COL19A1: variants seen among roughly 807,000 people sequenced by gnomAD.
COL19A1 encodes the protein collagen type XIX alpha 1 chain.
Under a neutral mutation model 190.2 loss-of-function variants are expected in COL19A1, and 159 were observed. The observed-to-expected ratio is 0.84, with a 90% CI of 0.73 to 0.95. The LOEUF is 0.95. Among genes scored for constraint, COL19A1 ranks in the 40% least tolerant of loss-of-function variants. COL19A1 has a pLI of 0.00. For missense variants in COL19A1, 1,418 were observed against 1,431.9 expected (o/e 0.99, Z 0.16); for synonymous variants, 509 against 458.9 (o/e 1.11, Z -1.39).
intron 40 of COL19A1, among the ~76,000 whole-genome samples, chr6:70,169,389 G>A (rs979169383): frequency 6.6e-6 from 1 of 151,994 alleles, no homozygotes; most frequent in African/African-American, 2.4e-5. Context: ...GTATATACTT[G>A]AAACTCAAAT....
rs1191042617 is a variant in COL19A1, at chr6:69,874,568, G to A, written c.-32-4968G>A. Among the ~76,000 whole-genome samples, 13 of 152,032 alleles carry A rather than the reference G, an allele frequency of 8.6e-5. 1 individual carries two copies. Among genetic ancestry groups the A allele is most frequent in the Admixed American group, 7.2e-4 (11 of 15,260 alleles). ...AGATCGAGACCATCCTAGCTAACAC[G>A]GTGAAACCCCATCTCTACTAAAAAT... is the stretch of plus-strand genomic sequence containing the variant. On this transcript the variant is annotated intron_variant, in intron 1 of 50. Transcript: ENST00000620364.
chr6:69,893,559 TG>T (rs1561970223), intron 2 of COL19A1, among the ~76,000 whole-genome samples: 2 of 152,184 alleles, frequency 1.3e-5, no homozygotes, highest in Non-Finnish European at 2.9e-5. Flanking sequence ...TATTTAACCC[TG>T]TATATTGTGA....
intron 14 of COL19A1, among the ~76,000 whole-genome samples, chr6:70,062,642 A>T (rs1360548800): frequency 1.3e-5 from 2 of 152,210 alleles, no homozygotes; most frequent in African/African-American, 4.8e-5. Context: ...ATTAACCTTA[A>T]ATGTAAATGG....
intron 45 of COL19A1, 64 bp downstream of exon 45, chr6:70,184,802 A>T (rs1766403786): frequency 1.2e-6 from 2 of 1,604,448 alleles, no homozygotes; most frequent in African/African-American, 2.7e-5. Context: ...ACCTACCAAC[A>T]TTTACATCAA....
intron 42 of COL19A1, 50 bp downstream of exon 42, chr6:70,176,614 C>T (rs755081405): frequency 6.3e-7 from 1 of 1,577,302 alleles, no homozygotes; most frequent in East Asian, 2.3e-5. Context: ...GGTTCTATCT[C>T]CATGATACAC....
intron 42 of COL19A1, among the ~76,000 whole-genome samples, 183 bp downstream of exon 42, chr6:70,176,747 C>G (rs1765833198): frequency 6.6e-6 from 1 of 152,166 alleles, no homozygotes; most frequent in African/African-American, 2.4e-5. Flanking sequence ...TCCTCTATTT[C>G]TTTTGTTTTG....
chr6:69,926,019 A>G lies in COL19A1; in HGVS notation c.267-1890A>G, dbSNP rs373028521. On this transcript the variant is annotated intron_variant, in intron 4 of 50. Coordinates refer to ENST00000620364, the MANE Select transcript of COL19A1 (RefSeq NM_001858.6). Reference sequence around the variant, plus strand: ...GATGGGGTTTTCTAAATATACAATCATGTCATCTGCAAACAGGGACAATTT... The same window carrying G: ...GATGGGGTTTTCTAAATATACAATCGTGTCATCTGCAAACAGGGACAATTT... 2.8e-3 allele frequency among the ~76,000 whole-genome samples: 422 copies of G among 152,302 alleles called. 3 individuals carry two copies. The highest frequency in any genetic ancestry group is 9.5e-3 in the African/African-American group (393 of 41,566).
chr6:70,063,310 A>T (rs1490320405), intron 14 of COL19A1, among the ~76,000 whole-genome samples: 2 of 151,248 alleles, frequency 1.3e-5, no homozygotes, highest in African/African-American at 4.9e-5. Context: ...TCAAACTAGA[A>T]CTCAGGATTA....
At chr6:70,131,049 G>T (rs530343180) in intron 18 of COL19A1, 27 of 462,060 alleles carry the variant, frequency 5.8e-5, no homozygotes, top group African/African-American at 4.8e-4. Context: ...CTTGTCATTT[G>T]CAGGTTTAAT....
At chr6:70,181,973 C>A (rs529615061) in intron 44 of COL19A1, among the ~76,000 whole-genome samples, 7 of 152,308 alleles carry the variant, frequency 4.6e-5, no homozygotes, top group African/African-American at 1.7e-4. Context: ...CCATGAAGAA[C>A]TTCCAAGCCA....
intron 15 of COL19A1, among the ~76,000 whole-genome samples, chr6:70,082,806 G>T (rs1319332736): frequency 1.3e-5 from 2 of 152,160 alleles, no homozygotes; most frequent in Admixed American, 6.5e-5. Flanking sequence ...TTCAAGGACT[G>T]GGGTTGAAGA....
intron 48 of COL19A1, among the ~76,000 whole-genome samples, chr6:70,193,578 C>T (rs553985296): frequency 4.7e-4 from 72 of 152,304 alleles, no homozygotes; most frequent in Middle Eastern, 3.4e-3. Flanking sequence ...AGAGCCAGTA[C>T]TCCCTCAGAA....
At position 70,156,727 on chromosome 6, in the gene COL19A1, A is replaced by C. The variant is rs1787464801; in HGVS notation, c.2292+4A>C. 1.9e-6 allele frequency: 3 copies of C among 1,607,202 alleles called. No individual in the cohort carries two copies. In the African/African-American group the frequency reaches 4.0e-5, roughly 22 times the overall value. On this transcript the variant is annotated splice_donor_region_variant and intron_variant, in intron 34 of 50. Transcript: ENST00000620364. ...ACCTGGGGAGAAAGGCGATGAGGTA[A>C]CAGATTCTTTTCTGATTATATAGTC...
At chr6:70,139,812 A>G (rs1249169266) in intron 19 of COL19A1, among the ~76,000 whole-genome samples, 1 of 152,102 alleles carries the variant, frequency 6.6e-6, no homozygotes, top group Non-Finnish European at 1.5e-5. Context: ...CCATGATTTT[A>G]TAGATAAAGA....
At chr6:69,929,741 T>C (rs1562008299) in intron 6 of COL19A1, 41 bp downstream of exon 6, 1 of 1,516,072 alleles carries the variant, frequency 6.6e-7, no homozygotes, top group Non-Finnish European at 8.8e-7. Context: ...CTAAAATTTC[T>C]AAGTAAAAAA....
At chr6:69,957,498 T>C (rs1774492956) in intron 9 of COL19A1, among the ~76,000 whole-genome samples, 1 of 152,114 alleles carries the variant, frequency 6.6e-6, no homozygotes. Context: ...CTTATCTTCC[T>C]GTAGTTTGAA....
chr6:70,143,346 C>A (rs1786387169), intron 23 of COL19A1, among the ~76,000 whole-genome samples: 1 of 152,138 alleles, frequency 6.6e-6, no homozygotes. Context: ...ATACTCAATA[C>A]ACCTTTCTAT....
At chr6:69,963,206 T>C (rs1446901044) in intron 11 of COL19A1, among the ~76,000 whole-genome samples, 1 of 152,232 alleles carries the variant, frequency 6.6e-6, no homozygotes, top group South Asian at 2.1e-4. Flanking sequence ...AAATGTTTGT[T>C]TTTATGTACA....
At position 70,142,531 on chromosome 6, in the gene COL19A1, CA is replaced by C. The variant is rs561134830; in HGVS notation, c.1573-234del. ...GTGTACTCCCAGACAATGGGTAGGG[CA>C]AGTTACCAGGTATCACCTGCTGGTG... On this transcript the variant is annotated intron_variant, in intron 22 of 50. Transcript: ENST00000620364. Among the ~76,000 whole-genome samples the C allele has an allele frequency of 9.9e-4, 151 of 152,196 alleles. 1 individual carries two copies. Among genetic ancestry groups the C allele is most frequent in the Admixed American group, 2.1e-3 (32 of 15,272 alleles).
Sources: allele counts gnomAD v4.1 joint callset (sites outside exome capture counted in the v4.1 genomes callset), GRCh38; gene constraint gnomAD v4.1.1; transcripts MANE v1.5; gene names NCBI Gene and HGNC (gene_info 2026-07-23, HGNC 2026-07-21).